GRM5: variants seen among roughly 807,000 people sequenced by gnomAD.
GRM5 encodes the protein metabotropic glutamate receptor 5.
Under a neutral mutation model 83.1 loss-of-function variants are expected in GRM5, and 19 were observed. The ratio of observed to expected loss-of-function variants is 0.23; its 90% CI spans 0.16 to 0.34. GRM5 has a LOEUF of 0.34. GRM5 is among the 10% of genes least tolerant of loss of function. GRM5 has a pLI of 1.00. For missense variants in GRM5, 1,160 were observed against 1,588.3 expected (o/e 0.73, Z 4.58); for synonymous variants, 675 against 633.6 (o/e 1.07, Z -0.98).
At chr11:88,626,928 C>G (rs961086367) in intron 4 of GRM5, among the ~76,000 whole-genome samples, 3 of 152,192 alleles carry the variant, frequency 2.0e-5, no homozygotes, top group Non-Finnish European at 4.4e-5. Context: ...CAGAACCCAA[C>G]TATGTTCACA....
chr11:88,597,237 T>G lies in GRM5; in HGVS notation c.1510A>C (p.Ser504Arg), dbSNP rs1283832697. Residue 504 changes from serine (S) to arginine (R), a missense_variant, in exon 6 of 10, where the codon AGC becomes CGC. By Grantham distance (110) the Ser-to-Arg change is moderately radical. This residue lies in a region of GRM5 where 30 missense variants were observed against 19.7 expected (regional missense o/e 1.52). Transcript: ENST00000305447. The part of the protein sequence containing the change: ...MDDDEVWSKK[S>R]NIIRSVCSEP... The stretch of plus-strand genomic sequence containing the variant: ...CTGCACACAGATCTGATGATGTTGC[T>G]TTTCTTGGACCATACTTCATCATCA... The G allele has an allele frequency of 5.0e-6, 8 of 1,610,036 alleles. No individual in the cohort carries two copies. The highest frequency in any genetic ancestry group is 5.1e-6 in the Non-Finnish European group (6 of 1,177,154).
intron 8 of GRM5, among the ~76,000 whole-genome samples, chr11:88,554,812 T>C (rs1365755245): frequency 6.6e-6 from 1 of 152,156 alleles, no homozygotes; most frequent in Non-Finnish European, 1.5e-5. Context: ...CTGAGACTGC[T>C]ATGGAATTTA....
rs749386492 is a variant in GRM5 at position 88,508,892 on chromosome 11, G to A, written c.3339C>T (p.Ala1113=). Residue 1113 remains alanine, a synonymous_variant, in exon 10 of 10, where the codon GCC becomes GCT. Transcript: ENST00000305447. The surrounding 1 kb of genome is among the most constrained non-coding windows in gnomAD (Gnocchi z 4.2). ...CGATGGCCGGCAGAGGCTGGATTTC[G>A]GCAAAGGTCGTCATGGTCGTGGGCA... ...IQLPTTMTTF[A]EIQPLPAIEV... 5.6e-6 allele frequency: 9 copies of A among 1,596,144 alleles called. No individual in the cohort carries two copies. The highest frequency in any genetic ancestry group is 1.7e-5 in the Admixed American group (1 of 57,726).
chr11:88,994,424 ATTAT>A (rs1940100201), intron 2 of GRM5, among the ~76,000 whole-genome samples: 1 of 145,452 alleles, frequency 6.9e-6, no homozygotes, highest in South Asian at 2.1e-4. Context: ...ACCCATTATT[ATTAT>A]TTATCACTTT....
chr11:88,669,264 G>T (rs1214409657), intron 3 of GRM5, among the ~76,000 whole-genome samples: 1 of 152,098 alleles, frequency 6.6e-6, no homozygotes, highest in Non-Finnish European at 1.5e-5. Context: ...ATAAATTAAA[G>T]AAAACGTGAC....
chr11:88,781,494 C>A (rs1228646677), intron 3 of GRM5, among the ~76,000 whole-genome samples: 3 of 152,104 alleles, frequency 2.0e-5, no homozygotes, highest in Non-Finnish European at 4.4e-5. Flanking sequence ...TCTGGATGTA[C>A]ACTTAAAGGA....
intron 2 of GRM5, among the ~76,000 whole-genome samples, chr11:88,915,534 T>C (rs1374608580): frequency 6.6e-6 from 1 of 151,962 alleles, no homozygotes; most frequent in African/African-American, 2.4e-5. Context: ...TATCCAAGAC[T>C]AAATTCAATT....
chr11:88,674,564 A>G (rs1365527159), intron 3 of GRM5, among the ~76,000 whole-genome samples: 2 of 151,902 alleles, frequency 1.3e-5, no homozygotes, highest in Admixed American at 6.6e-5. Flanking sequence ...CCTTTCTGCC[A>G]TATATCTCTA....
chr11:88,684,882 C>T (rs957252679), intron 3 of GRM5, among the ~76,000 whole-genome samples: 3 of 152,192 alleles, frequency 2.0e-5, no homozygotes, highest in East Asian at 1.9e-4. Context: ...TTGCCAGCCA[C>T]ATGGAACTGT....
chr11:88,850,303 G>C lies in GRM5; in HGVS notation c.662-148C>G, dbSNP rs543898909. 106 of 727,310 alleles carry C rather than the reference G, an allele frequency of 1.5e-4. No homozygotes were observed. In the East Asian group the frequency reaches 2.5e-3, roughly 17 times the overall value. 45.1% of individuals were successfully genotyped at this position (727,310 alleles called of 1,614,324 possible). On this transcript the variant is annotated intron_variant, in intron 2 of 9. Coordinates refer to ENST00000305447, the MANE Select transcript of GRM5 (RefSeq NM_001143831.3). ...CCTGAATTTTGGTTTTTGCTCTTTTGCCGAATTGCTTATTTTGGGCAAATT... is the reference window on the plus strand; with the variant it reads ...CCTGAATTTTGGTTTTTGCTCTTTTCCCGAATTGCTTATTTTGGGCAAATT...
chr11:88,551,580 G>T (rs2135147625), intron 8 of GRM5, among the ~76,000 whole-genome samples: 1 of 152,238 alleles, frequency 6.6e-6, no homozygotes, highest in East Asian at 1.9e-4. Context: ...TTATTCACAA[G>T]GTCAAGCTTT....
At chr11:88,675,679 C>CA (rs1207460674) in intron 3 of GRM5, among the ~76,000 whole-genome samples, 1 of 151,920 alleles carries the variant, frequency 6.6e-6, no homozygotes, top group Non-Finnish European at 1.5e-5. Flanking sequence ...AAAGAAAAGA[C>CA]AAGACTTAAA....
chr11:88,735,439 A>T (rs1395160897), intron 3 of GRM5, among the ~76,000 whole-genome samples: 1 of 152,018 alleles, frequency 6.6e-6, no homozygotes, highest in Non-Finnish European at 1.5e-5. Flanking sequence ...TGTTGCTATC[A>T]TCTTTGCCAA....
chr11:88,635,584 T>G (rs538015814), intron 4 of GRM5, among the ~76,000 whole-genome samples: 2 of 152,260 alleles, frequency 1.3e-5, no homozygotes, highest in South Asian at 4.1e-4. Context: ...TTTTATGTTT[T>G]GAATTTTATC....
intron 2 of GRM5, among the ~76,000 whole-genome samples, chr11:88,956,027 C>T (rs1938601391): frequency 6.6e-6 from 1 of 152,140 alleles, no homozygotes; most frequent in Admixed American, 6.5e-5. Flanking sequence ...TGTATTTTGT[C>T]TTGCTAACGT....
At chr11:88,888,611 G>A (rs1484673065) in intron 2 of GRM5, among the ~76,000 whole-genome samples, 5 of 151,992 alleles carry the variant, frequency 3.3e-5, no homozygotes, top group Non-Finnish European at 7.4e-5. Flanking sequence ...ATGACATGCC[G>A]GCAAAAAGGT....
intron 3 of GRM5, among the ~76,000 whole-genome samples, chr11:88,755,792 T>A (rs920734072): frequency 2.0e-5 from 3 of 152,128 alleles, no homozygotes; most frequent in African/African-American, 7.2e-5. Flanking sequence ...GAATATTGAA[T>A]CTGGCACTTT....
chr11:88,671,329 T>C (rs1012991653), intron 3 of GRM5, among the ~76,000 whole-genome samples: 58 of 152,210 alleles, frequency 3.8e-4, no homozygotes, highest in African/African-American at 1.4e-3. Context: ...TTGCTTACCC[T>C]AAAACCAATA....
At chr11:88,706,608 C>A (rs1015493218) in intron 3 of GRM5, among the ~76,000 whole-genome samples, 3 of 151,964 alleles carry the variant, frequency 2.0e-5, no homozygotes, top group Non-Finnish European at 4.4e-5. Flanking sequence ...TAGGTATGAA[C>A]CTGGATGGAT....
Sources: gnomAD v4.1 joint callset for allele counts (sites outside exome capture counted in the v4.1 genomes callset) on GRCh38, gnomAD v4.1.1 for gene constraint, gnomAD v4.1.1 regional missense constraint, Gnocchi (gnomAD v3.1) non-coding constraint, MANE v1.5 for transcripts, NCBI Gene and HGNC (gene_info 2026-07-23, HGNC 2026-07-21) for gene names.